SULT1B1: variants seen among roughly 807,000 people sequenced by gnomAD.
SULT1B1 encodes the protein sulfotransferase family 1B member 1.
In SULT1B1, 28 loss-of-function variants were observed where a neutral mutation model predicts 34.6. The ratio of observed to expected loss-of-function variants is 0.81; its 90% CI spans 0.60 to 1.11. The LOEUF (loss-of-function observed/expected upper bound fraction) is 1.11, where lower values mean the gene tolerates loss of function less well. SULT1B1 is among the 50% of genes least tolerant of loss of function. SULT1B1 has a pLI of 0.00. For missense variants in SULT1B1, 374 were observed against 352.2 expected (o/e 1.06, Z -0.50); for synonymous variants, 147 against 110.2 (o/e 1.33, Z -2.09).
At position 69,741,449 on chromosome 4, in the gene SULT1B1, C is replaced by A. The variant is rs185331330; in HGVS notation, c.376-7185G>T. On this transcript the variant is annotated intron_variant, in intron 4 of 7. Coordinates refer to ENST00000310613, the MANE Select transcript of SULT1B1 (RefSeq NM_014465.4). ...GTAATTAGTAATTTGATAGGAATAA[C>A]ATTGAATCTGTAAATTCCTTTGGGC... 2.4e-4 allele frequency among the ~76,000 whole-genome samples: 36 copies of A among 152,302 alleles called. 1 individual carries two copies. In the East Asian group the frequency reaches 6.2e-3, roughly 26 times the overall value.
Position 69,754,652 on chromosome 4 carries a change from C to T in SULT1B1, c.277+18G>A. 1 of 1,608,664 alleles carries T rather than the reference C, an allele frequency of 6.2e-7. No individual in the cohort carries two copies. Among genetic ancestry groups the T allele is most frequent in the Middle Eastern group, 1.7e-4 (1 of 5,796 alleles). ...AAATAATATTACAAAATAATAATTC[C>T]AAGTGGGTTAAATTTACCTGATGTT... is the stretch of plus-strand genomic sequence containing the variant. On this transcript the variant is annotated intron_variant, in intron 3 of 7. Transcript: ENST00000310613.
At chr4:69,741,357 C>G (rs1424544076) in intron 4 of SULT1B1, among the ~76,000 whole-genome samples, 1 of 152,096 alleles carries the variant, frequency 6.6e-6, no homozygotes, top group African/African-American at 2.4e-5. Flanking sequence ...GTTTCCTTAG[C>G]TATTTGGGTT....
chr4:69,758,820 TA>T (rs1420749333), intron 1 of SULT1B1, among the ~76,000 whole-genome samples: 2 of 152,220 alleles, frequency 1.3e-5, no homozygotes, highest in Non-Finnish European at 2.9e-5. Flanking sequence ...TTATTCATCT[TA>T]ATTTAATTTG....
intron 7 of SULT1B1, 53 bp from the exon 8 acceptor site, chr4:69,727,253 AATCAGT>A: frequency 6.9e-7 from 1 of 1,447,486 alleles, no homozygotes. Context: ...CATAAGAAGA[AATCAGT>A]ATATACCAAA....
intron 3 of SULT1B1, among the ~76,000 whole-genome samples, chr4:69,750,729 C>G (rs1333750999): frequency 6.6e-6 from 1 of 152,136 alleles, no homozygotes; most frequent in Non-Finnish European, 1.5e-5. Context: ...AGTTTATTTA[C>G]TTATTTGTTT....
intron 4 of SULT1B1, among the ~76,000 whole-genome samples, chr4:69,738,066 A>T (rs539283237): frequency 6.6e-6 from 1 of 152,256 alleles, no homozygotes; most frequent in South Asian, 2.1e-4. Flanking sequence ...CTTTGTGTCC[A>T]CGTATACTCA....
intron 3 of SULT1B1, among the ~76,000 whole-genome samples, chr4:69,750,849 C>A (rs1020914500): frequency 2.0e-5 from 3 of 152,040 alleles, no homozygotes; most frequent in Non-Finnish European, 2.9e-5. Flanking sequence ...AAATAAATGT[C>A]CATCGAGAAC....
rs1450617143 is a variant in SULT1B1 at position 69,724,963 on chromosome 4, A to T, written c.*2125T>A. ...TATCATTCAGGACATAGGCATGGGC[A>T]AGGACTTCATGTCTAAAACACCAAA... On this transcript the variant is annotated 3_prime_UTR_variant, in exon 8 of 8. Coordinates refer to ENST00000310613, the MANE Select transcript of SULT1B1 (RefSeq NM_014465.4). 2.0e-5 allele frequency: 3 copies of T among 152,176 alleles called. No individual in the cohort carries two copies. The highest frequency in any genetic ancestry group is 7.2e-5 in the African/African-American group (3 of 41,430). 9.4% of individuals were successfully genotyped at this position (152,176 alleles called of 1,614,324 possible).
At chr4:69,742,400 G>T (rs548171671) in intron 4 of SULT1B1, among the ~76,000 whole-genome samples, 380 of 152,330 alleles carry the variant, frequency 2.5e-3, no homozygotes, top group African/African-American at 8.8e-3. Flanking sequence ...GTTGTGAGGA[G>T]TCCTTCTTCC....
At chr4:69,752,423 T>G (rs1719016217) in intron 3 of SULT1B1, among the ~76,000 whole-genome samples, 1 of 152,156 alleles carries the variant, frequency 6.6e-6, no homozygotes, top group Non-Finnish European at 1.5e-5. Context: ...ATAAATTAAG[T>G]ACTCAAGGAA....
At chr4:69,736,287 C>T (rs1245541545) in intron 4 of SULT1B1, among the ~76,000 whole-genome samples, 1 of 152,204 alleles carries the variant, frequency 6.6e-6, no homozygotes, top group East Asian at 1.9e-4. Context: ...AAACCACATA[C>T]TTCTAGACAT....
intron 1 of SULT1B1, among the ~76,000 whole-genome samples, chr4:69,757,381 AG>A (rs1719232948): frequency 6.6e-6 from 1 of 152,228 alleles, no homozygotes; most frequent in Non-Finnish European, 1.5e-5. Flanking sequence ...TAATTGATTA[AG>A]TATAATAGTT....
At chr4:69,730,092 C>T (rs550518575) in intron 7 of SULT1B1, among the ~76,000 whole-genome samples, 1 of 151,992 alleles carries the variant, frequency 6.6e-6, no homozygotes. Context: ...CCATGGTTTT[C>T]TAAGTGATAT....
intron 4 of SULT1B1, among the ~76,000 whole-genome samples, chr4:69,743,376 A>G (rs888516296): frequency 6.6e-6 from 1 of 152,114 alleles, no homozygotes; most frequent in African/African-American, 2.4e-5. Context: ...GTCTGAGTCT[A>G]GGACGTTTTA....
Position 69,723,332 on chromosome 4 carries a change from T to G in SULT1B1, c.*3756A>C, listed in dbSNP as rs143377489. 6.6e-6 allele frequency: 1 copy of G among 152,180 alleles called. No individual in the cohort carries two copies. Among genetic ancestry groups the G allele is most frequent in the East Asian group, 1.9e-4 (1 of 5,158 alleles). The allele number at this position is 152,180 out of a possible 1,614,324, so 9.4% of individuals were successfully genotyped here. A position where few individuals can be genotyped will look rare whatever the true frequency, so the allele number is the denominator to read the frequency against. On this transcript the variant is annotated 3_prime_UTR_variant, in exon 8 of 8. Transcript: ENST00000310613. ...CTCCCAAGAATAAACCAGGAAGAAG[T>G]TGAATCTCTGAATAGAAAAATAACA...
intron 2 of SULT1B1, 129 bp downstream of exon 2, chr4:69,754,941 T>A: frequency 8.1e-7 from 1 of 1,231,972 alleles, no homozygotes; most frequent in Non-Finnish European, 1.1e-6. Context: ...AATTTTAATA[T>A]ACTAAAATAG....
At chr4:69,748,863 T>G (rs556098650) in intron 4 of SULT1B1, among the ~76,000 whole-genome samples, 1 of 152,170 alleles carries the variant, frequency 6.6e-6, no homozygotes, top group Admixed American at 6.5e-5. Flanking sequence ...AAAGCTTTAC[T>G]GAGGAAACAT....
At position 69,739,031 on chromosome 4, in the gene SULT1B1, C is replaced by T. The variant is rs191821087; in HGVS notation, c.376-4767G>A. Among the ~76,000 whole-genome samples the T allele has an allele frequency of 3.0e-4, 45 of 152,348 alleles. No individual in the cohort carries two copies. In the East Asian group the frequency reaches 6.6e-3, roughly 22 times the overall value. ...GGCTGATGTAAGAGGTAGACTCCCA[C>T]GACCTTGGTCAGCTCCACCCCTATG... On this transcript the variant is annotated intron_variant, in intron 4 of 7. Coordinates refer to ENST00000310613, the MANE Select transcript of SULT1B1 (RefSeq NM_014465.4).
chr4:69,738,998 C>A (rs1371343628), intron 4 of SULT1B1, among the ~76,000 whole-genome samples: 1 of 152,202 alleles, frequency 6.6e-6, no homozygotes, highest in Admixed American at 6.5e-5. Context: ...TGGCTCACAT[C>A]CAGATTAGGC....
Sources: allele counts gnomAD v4.1 joint callset (sites outside exome capture counted in the v4.1 genomes callset), GRCh38; gene constraint gnomAD v4.1.1; transcripts MANE v1.5; gene names NCBI Gene and HGNC (gene_info 2026-07-23, HGNC 2026-07-21).